TMCC1: variants seen among roughly 807,000 people sequenced by gnomAD.
TMCC1 encodes transmembrane and coiled-coil domain family 1.
Under a neutral mutation model 52.4 loss-of-function variants are expected in TMCC1, and 15 were observed. The observed-to-expected ratio is 0.29, with a 90% CI of 0.19 to 0.44. The LOEUF (loss-of-function observed/expected upper bound fraction) is 0.44. Ranked by LOEUF, TMCC1 falls within the 20% of genes least tolerant of loss-of-function variation. The pLI is 1.00. For synonymous variants in TMCC1, 279 were observed against 301.9 expected, an observed-to-expected ratio of 0.92 and a Z score of 0.79; for missense variants, 503 against 806.0, an observed-to-expected ratio of 0.62 and a Z score of 4.55.
chr3:129,698,127 C>T (rs1370648432), intron 4 of TMCC1, among the ~76,000 whole-genome samples: 1 of 152,120 alleles, frequency 6.6e-6, no homozygotes, highest in African/African-American at 2.4e-5. Context: ...AATTTTCATA[C>T]TGCTATGAAG....
chr3:129,807,624 G>A (rs2057540109), intron 4 of TMCC1, among the ~76,000 whole-genome samples: 1 of 152,140 alleles, frequency 6.6e-6, no homozygotes, highest in Admixed American at 6.5e-5. Context: ...AGAAAAACAG[G>A]TGATACCCAG....
At chr3:129,873,460 T>C (rs911636105) in intron 2 of TMCC1, among the ~76,000 whole-genome samples, 8 of 150,874 alleles carry the variant, frequency 5.3e-5, no homozygotes, top group Non-Finnish European at 8.8e-5. Flanking sequence ...AATGGGAGGA[T>C]TGCTTAAGGC....
At chr3:129,817,332 C>G (rs2058147466) in intron 4 of TMCC1, among the ~76,000 whole-genome samples, 1 of 152,052 alleles carries the variant, frequency 6.6e-6, no homozygotes. Context: ...GTCTCTAACA[C>G]TAGCATTTTG....
chr3:129,679,532 CTGA>C (rs1330887830), intron 4 of TMCC1, among the ~76,000 whole-genome samples: 22 of 152,090 alleles, frequency 1.4e-4, no homozygotes, highest in Admixed American at 1.4e-3. Context: ...TCTTGAACTC[CTGA>C]CCTCGTGATC....
At chr3:129,821,865 G>C (rs753523961) in intron 4 of TMCC1, among the ~76,000 whole-genome samples, 18 of 151,992 alleles carry the variant, frequency 1.2e-4, no homozygotes, top group Non-Finnish European at 2.2e-4. Flanking sequence ...AGGAGTTCAA[G>C]ACCAGCCTGG....
chr3:129,812,599 T>G (rs1376485633), intron 4 of TMCC1, among the ~76,000 whole-genome samples: 1 of 151,928 alleles, frequency 6.6e-6, no homozygotes, highest in Non-Finnish European at 1.5e-5. Context: ...ATACCCGACC[T>G]CGCCCCAAAA....
chr3:129,711,610 C>T (rs572390650), intron 4 of TMCC1, among the ~76,000 whole-genome samples: 18 of 151,810 alleles, frequency 1.2e-4, no homozygotes, highest in Non-Finnish European at 1.5e-4. Flanking sequence ...TTTGGAAGGC[C>T]GAGGTGGGTG....
chr3:129,805,934 C>CAA (rs968406399), intron 4 of TMCC1, among the ~76,000 whole-genome samples: 2 of 148,954 alleles, frequency 1.3e-5, no homozygotes, highest in African/African-American at 4.9e-5. Context: ...CCTGTCTCTT[C>CAA]AAAAAAAAAC....
intron 5 of TMCC1, among the ~76,000 whole-genome samples, chr3:129,658,552 GCT>G (rs2086816912): frequency 6.6e-6 from 1 of 152,196 alleles, no homozygotes; most frequent in Non-Finnish European, 1.5e-5. Context: ...CAGCCTGTGG[GCT>G]CTGACTCGGC....
chr3:129,827,592 G>C (rs531237704), intron 4 of TMCC1, among the ~76,000 whole-genome samples: 1 of 152,180 alleles, frequency 6.6e-6, no homozygotes, highest in South Asian at 2.1e-4. Flanking sequence ...ATAAAATATA[G>C]CACTATGTTA....
At chr3:129,759,556 C>T (rs544900056) in intron 4 of TMCC1, among the ~76,000 whole-genome samples, 1 of 150,464 alleles carries the variant, frequency 6.6e-6, no homozygotes, top group South Asian at 2.1e-4. Context: ...GCATGAGCCA[C>T]CATGCCAGGC....
intron 4 of TMCC1, among the ~76,000 whole-genome samples, chr3:129,727,717 T>C (rs1450765492): frequency 2.0e-5 from 3 of 152,154 alleles, no homozygotes; most frequent in Non-Finnish European, 4.4e-5. Flanking sequence ...TATCTGCAAC[T>C]GACAGTAATT....
chr3:129,793,009 A>G (rs1268450543), intron 4 of TMCC1, among the ~76,000 whole-genome samples: 2 of 152,224 alleles, frequency 1.3e-5, no homozygotes, highest in Non-Finnish European at 2.9e-5. Context: ...CTGGCTCTCA[A>G]CTATCAGACA....
chr3:129,866,243 CATATATATA>C (rs1299199111), intron 2 of TMCC1, among the ~76,000 whole-genome samples: 2 of 143,542 alleles, frequency 1.4e-5, no homozygotes, highest in African/African-American at 5.2e-5. Context: ...TACATACATA[CATATATATA>C]ATATATATTA....
intron 4 of TMCC1, among the ~76,000 whole-genome samples, chr3:129,802,126 A>G (rs1018207796): frequency 2.0e-5 from 3 of 152,202 alleles, no homozygotes; most frequent in Non-Finnish European, 4.4e-5. Context: ...TTGTCTTGGG[A>G]TTAATATGTA....
intron 4 of TMCC1, among the ~76,000 whole-genome samples, chr3:129,821,756 G>A (rs2058435055): frequency 6.6e-6 from 1 of 152,110 alleles, no homozygotes; most frequent in African/African-American, 2.4e-5. Flanking sequence ...TATTTAACCA[G>A]CCATCTCACT....
intron 2 of TMCC1, among the ~76,000 whole-genome samples, chr3:129,870,156 T>C (rs531405444): frequency 5.1e-4 from 77 of 152,210 alleles, no homozygotes; most frequent in African/African-American, 1.7e-3. Context: ...AGAAATCACA[T>C]GTACCTATCT....
In TMCC1 at chr3:129,880,310, T is replaced by G. The variant is rs893769508; in HGVS notation, c.-185A>C. ...GCAGTAGAAGAAAAAACGACATACCTCCTCAAAATCCCAGCAATAGCTTCC... is the reference window on the plus strand; with the variant it reads ...GCAGTAGAAGAAAAAACGACATACCGCCTCAAAATCCCAGCAATAGCTTCC... On this transcript the variant is annotated splice_region_variant and 5_prime_UTR_variant, in exon 2 of 7. Coordinates refer to ENST00000393238, the MANE Select transcript of TMCC1 (RefSeq NM_001017395.5). 6.6e-6 allele frequency: 1 copy of G among 152,292 alleles called. No homozygotes were observed. The highest frequency in any genetic ancestry group is 2.4e-5 in the African/African-American group (1 of 41,562). 9.4% of individuals were successfully genotyped at this position (152,292 alleles called of 1,614,324 possible). A position where few individuals can be genotyped will look rare whatever the true frequency, so the allele number is the denominator to read the frequency against.
intron 4 of TMCC1, among the ~76,000 whole-genome samples, chr3:129,690,875 GA>G (rs2046985848): frequency 6.6e-6 from 1 of 152,192 alleles, no homozygotes; most frequent in Non-Finnish European, 1.5e-5. Flanking sequence ...GTTCCGCCAA[GA>G]TGGCAATGAA....
Sources: gnomAD v4.1 joint callset for allele counts (sites outside exome capture counted in the v4.1 genomes callset) on GRCh38, gnomAD v4.1.1 for gene constraint, MANE v1.5 for transcripts, NCBI Gene and HGNC (gene_info 2026-07-23, HGNC 2026-07-21) for gene names.